POLB: variants seen among roughly 807,000 people sequenced by gnomAD.
POLB encodes the protein 5'-dRP lyase.
POLB carries 37 observed loss-of-function variants against 52.7 expected under a neutral mutation model. The ratio of observed to expected loss-of-function variants is 0.70; its 90% CI spans 0.54 to 0.92. The LOEUF (loss-of-function observed/expected upper bound fraction) is 0.92, where lower values mean the gene tolerates loss of function less well. Among genes scored for constraint, POLB ranks in the 40% least tolerant of loss-of-function variants. POLB has a pLI of 0.00. For synonymous variants in POLB, 138 were observed against 131.3 expected, an observed-to-expected ratio of 1.05 and a Z score of -0.35; for missense variants, 313 against 400.8, an observed-to-expected ratio of 0.78 and a Z score of 1.87.
rs373706427 is a variant in POLB at position 42,349,039 on chromosome 8, T to C, written c.210T>C (p.Ala70=). 9.3e-6 allele frequency: 15 copies of C among 1,605,228 alleles called. No individual in the cohort carries two copies. The African/African-American group carries it at 2.0e-4, about 21-fold the overall frequency. ...KKLPGVGTKI[A]EKIDEFLATG... ...AGCCTGGAGTAGGAACAAAAATTGC[T>C]GAAAAGATTGATGAGTTTTTAGCAA... is the stretch of plus-strand genomic sequence containing the variant. The change falls in exon 4 of 14, where the codon GCT becomes GCC. Residue 70 remains alanine (A), a synonymous_variant. Coordinates refer to ENST00000265421, the MANE Select transcript of POLB (RefSeq NM_002690.3).
chr8:42,368,497 G>C (rs1015533045), intron 11 of POLB, among the ~76,000 whole-genome samples: 8 of 152,146 alleles, frequency 5.3e-5, no homozygotes, highest in African/African-American at 1.7e-4. Flanking sequence ...TGTAGCATTT[G>C]ATACTTTTAA....
chr8:42,363,527 CAAAAAAAAAAAAAAA>C (rs1163249252), intron 11 of POLB, among the ~76,000 whole-genome samples: 22 of 15,838 alleles, frequency 1.4e-3, no homozygotes, highest in Non-Finnish European at 3.4e-3. Flanking sequence ...GACTCTGTCT[CAAAAAAAAAAAAAAA>C]AAAAAAAAAA....
chr8:42,361,660 T>C, intron 10 of POLB: 1 of 227,178 alleles, frequency 4.4e-6, no homozygotes, highest in Non-Finnish European at 8.6e-6. Flanking sequence ...ATAATCAGAT[T>C]TTCATTAAAT....
chr8:42,371,423 G>C (rs4526344), intron 13 of POLB, 140 bp from the exon 14 acceptor site: 30,546 of 424,860 alleles, frequency 0.072, 2,784 homozygotes, highest in African/African-American at 0.26. Context: ...ACATCCGCCG[G>C]TCTTTTTTTT....
chr8:42,343,167 A>C (rs1332037774), intron 2 of POLB, among the ~76,000 whole-genome samples: 1 of 151,300 alleles, frequency 6.6e-6, no homozygotes, highest in Non-Finnish European at 1.5e-5. Context: ...CTAAAAATGC[A>C]AAAAATTAGC....
Position 42,350,026 on chromosome 8 carries a change from G to A in POLB, c.281G>A (p.Ser94Asn). ...TTAAAGATTCGGCAGGATGATACGA[G>A]TTCATCCATCAATTTCCTGACTCGA... ...KLEKIRQDDTSSSINFLTRVS... is the reference protein window; with the variant it reads ...KLEKIRQDDTNSSINFLTRVS... The change falls in exon 5 of 14, where the codon AGT (serine) becomes AAT (asparagine). Residue 94 changes from serine (S) to asparagine (N), a missense_variant. Physicochemically the swap from Ser to Asn is conservative, Grantham distance 46. This residue lies in a region of POLB where 246 missense variants were observed against 297.6 expected (regional missense o/e 0.83). Coordinates refer to ENST00000265421, the MANE Select transcript of POLB (RefSeq NM_002690.3). 6.2e-7 allele frequency: 1 copy of A among 1,606,452 alleles called. No individual in the cohort carries two copies. Among genetic ancestry groups the A allele is most frequent in the Non-Finnish European group, 8.5e-7 (1 of 1,173,180 alleles).
chr8:42,344,449 A>G (rs1822473940), intron 2 of POLB, among the ~76,000 whole-genome samples: 2 of 148,982 alleles, frequency 1.3e-5, no homozygotes, highest in African/African-American at 5.0e-5. Flanking sequence ...AGCCTGGGCA[A>G]CAAGAGCAAA....
chr8:42,356,151 T>C (rs1268596997), intron 7 of POLB, among the ~76,000 whole-genome samples: 1 of 152,260 alleles, frequency 6.6e-6, no homozygotes, highest in East Asian at 1.9e-4. Context: ...GTATCTCTTC[T>C]GGCATTATAT....
intron 13 of POLB, among the ~76,000 whole-genome samples, chr8:42,371,248 C>T (rs897529278): frequency 5.3e-5 from 8 of 152,144 alleles, no homozygotes; most frequent in East Asian, 1.9e-4. Context: ...CTCAACCTCC[C>T]GAGTAGCTGG....
intron 9 of POLB, 186 bp from the exon 10 acceptor site, chr8:42,361,109 C>T (rs1823651609): frequency 1.4e-6 from 1 of 693,932 alleles, no homozygotes. Context: ...CTGCTGTCTA[C>T]ATCAATACAC....
At chr8:42,343,008 G>GT (rs1377122997) in intron 2 of POLB, among the ~76,000 whole-genome samples, 1 of 151,924 alleles carries the variant, frequency 6.6e-6, no homozygotes, top group Non-Finnish European at 1.5e-5. Context: ...GGCCAACATG[G>GT]TGAAGACCTG....
Position 42,357,149 on chromosome 8 carries a change from T to G in POLB, c.423-20T>G, listed in dbSNP as rs199836345. ...TTAAATTTTACGAAAATCTTTTGTCTACTTATTCTGTCTTTATAGATATTT... is the reference window on the plus strand; with the variant it reads ...TTAAATTTTACGAAAATCTTTTGTCGACTTATTCTGTCTTTATAGATATTT... On this transcript the variant is annotated intron_variant, in intron 7 of 13. Transcript: ENST00000265421. 94 of 1,366,116 alleles carry G rather than the reference T, an allele frequency of 6.9e-5. No individual in the cohort carries two copies. Among genetic ancestry groups the G allele is most frequent in the Non-Finnish European group, 9.2e-5 (89 of 972,632 alleles). 84.6% of individuals were successfully genotyped at this position (1,366,116 alleles called of 1,614,324 possible). A position where few individuals can be genotyped will look rare whatever the true frequency, so the allele number is the denominator to read the frequency against.
chr8:42,371,728 G>A lies in POLB; in HGVS notation c.*71G>A. ...TTATTTCTTAACCTTTGCTATGTAAGGGTCTTTGGTGTTTTTAAATGATTG... is the reference window on the plus strand; with the variant it reads ...TTATTTCTTAACCTTTGCTATGTAAAGGTCTTTGGTGTTTTTAAATGATTG... On this transcript the variant is annotated 3_prime_UTR_variant, in exon 14 of 14. Coordinates refer to ENST00000265421, the MANE Select transcript of POLB (RefSeq NM_002690.3). 1 of 898,290 alleles carries A rather than the reference G, an allele frequency of 1.1e-6. No homozygotes were observed. Among genetic ancestry groups the A allele is most frequent in the Non-Finnish European group, 1.8e-6 (1 of 544,000 alleles). 55.6% of individuals were successfully genotyped at this position (898,290 alleles called of 1,614,324 possible).
chr8:42,346,354 G>A (rs1208014511), intron 3 of POLB, among the ~76,000 whole-genome samples: 1 of 151,508 alleles, frequency 6.6e-6, no homozygotes, highest in Non-Finnish European at 1.5e-5. Context: ...CTCAGGAGAT[G>A]AGCCATAATT....
At chr8:42,370,278 T>G (rs1269099577) in intron 13 of POLB, 9 of 475,952 alleles carry the variant, frequency 1.9e-5, no homozygotes, top group East Asian at 5.1e-5. Flanking sequence ...TTTTTTTTTT[T>G]TTTTTTGCTG....
intron 11 of POLB, among the ~76,000 whole-genome samples, chr8:42,364,265 G>C (rs1372823280): frequency 6.6e-6 from 1 of 150,762 alleles, no homozygotes; most frequent in Non-Finnish European, 1.5e-5. Flanking sequence ...TTTGAAACAG[G>C]GTCTTGCTCT....
At chr8:42,367,786 A>G (rs988585965) in intron 11 of POLB, among the ~76,000 whole-genome samples, 8 of 152,198 alleles carry the variant, frequency 5.3e-5, no homozygotes, top group African/African-American at 1.9e-4. Context: ...TCCTGTGAAT[A>G]TAGTAACACT....
intron 4 of POLB, 106 bp from the exon 5 acceptor site, chr8:42,349,901 G>A: frequency 1.3e-6 from 1 of 778,754 alleles, no homozygotes; most frequent in African/African-American, 1.7e-5. Context: ...CCAGGCAAAT[G>A]TAAATAGCTC....
chr8:42,342,326 GCAGGC>G, intron 2 of POLB: 1 of 1,518,180 alleles, frequency 6.6e-7, no homozygotes, highest in South Asian at 1.1e-5. Context: ...TGGGCCAGCA[GCAGGC>G]CAGTACAATA....
Sources: allele counts gnomAD v4.1 joint callset (sites outside exome capture counted in the v4.1 genomes callset), GRCh38; gene constraint gnomAD v4.1.1; regional missense constraint gnomAD v4.1.1; transcripts MANE v1.5; gene names NCBI Gene and HGNC (gene_info 2026-07-23, HGNC 2026-07-21).